The following POFUT1 variants were observed in gnomAD, a reference collection of about 807,000 sequenced individuals.
POFUT1 encodes the protein protein O-fucosyltransferase 1.
A neutral mutation model predicts 42.4 loss-of-function variants in POFUT1; 16 were observed. That is an observed-to-expected ratio of 0.38 (90% CI 0.26 to 0.57). POFUT1 has a LOEUF of 0.57. Ranked by LOEUF, POFUT1 falls within the 20% of genes least tolerant of loss-of-function variation. The pLI is 0.71. For synonymous variants in POFUT1, 206 were observed against 205.4 expected, an observed-to-expected ratio of 1.00 and a Z score of -0.03; for missense variants, 470 against 504.6, an observed-to-expected ratio of 0.93 and a Z score of 0.66.
intron 5 of POFUT1, 49 bp from the exon 6 acceptor site, chr20:32,230,770 G>A: frequency 6.3e-7 from 1 of 1,595,840 alleles, no homozygotes; most frequent in Non-Finnish European, 8.5e-7. Flanking sequence ...TTGCTTCTGG[G>A]GTTCCAGGGC....
At position 32,234,750 on chromosome 20, in the gene POFUT1, C is replaced by G; in HGVS notation, c.*89C>G. On this transcript the variant is annotated 3_prime_UTR_variant, in exon 7 of 7. Transcript: ENST00000375749. ...CCAGGCCTGGCAGCCAGAGGTGCTC[C>G]GGGATTGCAAACTCCTCTTCTCACC... 2 of 1,217,662 alleles carry G rather than the reference C, an allele frequency of 1.6e-6. No individual in the cohort carries two copies. The highest frequency in any genetic ancestry group is 2.3e-6 in the Non-Finnish European group (2 of 874,920). The allele number at this position is 1,217,662 out of a possible 1,614,324, so 75.4% of individuals were successfully genotyped here.
intron 4 of POFUT1, among the ~76,000 whole-genome samples, chr20:32,221,493 G>T (rs926132884): frequency 2.0e-5 from 3 of 151,914 alleles, no homozygotes; most frequent in African/African-American, 7.3e-5. Flanking sequence ...GCAGGTGATC[G>T]CTTGAGCCCA....
intron 2 of POFUT1, among the ~76,000 whole-genome samples, chr20:32,213,345 A>G (rs977264802): frequency 4.0e-5 from 6 of 150,860 alleles, no homozygotes; most frequent in African/African-American, 1.5e-4. Context: ...AATCCCAGCT[A>G]TTCAGGAGGC....
At chr20:32,211,458 G>C (rs2047328386) in intron 2 of POFUT1, among the ~76,000 whole-genome samples, 1 of 152,120 alleles carries the variant, frequency 6.6e-6, no homozygotes, top group Non-Finnish European at 1.5e-5. Context: ...TTTTAGTAGA[G>C]ACAGGGTTTC....
In POFUT1 at chr20:32,237,697, C is replaced by T. The variant is rs1350980426; in HGVS notation, c.*3036C>T. 4.1e-6 allele frequency: 2 copies of T among 492,700 alleles called. No individual in the cohort carries two copies. Among genetic ancestry groups the T allele is most frequent in the Non-Finnish European group, 8.4e-6 (2 of 237,438 alleles). The allele number at this position is 492,700 out of a possible 1,614,324, so 30.5% of individuals were successfully genotyped here. On this transcript the variant is annotated 3_prime_UTR_variant, in exon 7 of 7. Transcript: ENST00000375749. ...AGAGGGGCATGAGCTGATTCACATTCTGAAGGACCTCTCTAGCTGGCCAGT... is the reference window on the plus strand; with the variant it reads ...AGAGGGGCATGAGCTGATTCACATTTTGAAGGACCTCTCTAGCTGGCCAGT...
Position 32,217,011 on chromosome 20 carries a change from T to G in POFUT1, c.542+290T>G, listed in dbSNP as rs190773126. On this transcript the variant is annotated intron_variant, in intron 4 of 6. Coordinates refer to ENST00000375749, the MANE Select transcript of POFUT1 (RefSeq NM_015352.2). ...GAGTCTCAATTTCCTCCTCTAGGCG[T>G]GAGAATCACTCCTGTGTTACCTTAC... is the stretch of plus-strand genomic sequence containing the variant. The G allele has an allele frequency of 8.1e-6, 13 of 1,613,830 alleles. No homozygotes were observed. The Admixed American group carries it at 1.8e-4, about 23-fold the overall frequency.
chr20:32,225,511 CA>C (rs1464859141), intron 4 of POFUT1, among the ~76,000 whole-genome samples: 1 of 151,824 alleles, frequency 6.6e-6, no homozygotes, highest in East Asian at 1.9e-4. Context: ...TTTTTTGAGA[CA>C]AGGTCTCACC....
chr20:32,228,912 C>T (rs1239967946), intron 5 of POFUT1, among the ~76,000 whole-genome samples: 1 of 152,178 alleles, frequency 6.6e-6, no homozygotes, highest in Non-Finnish European at 1.5e-5. Flanking sequence ...AGGTTTTCAC[C>T]TCTGTGTGAA....
intron 4 of POFUT1, among the ~76,000 whole-genome samples, chr20:32,225,338 C>A (rs1248133123): frequency 4.6e-5 from 7 of 151,994 alleles, no homozygotes; most frequent in Non-Finnish European, 1.0e-4. Context: ...CAGGTGCCCA[C>A]CACGACGTGT....
intron 2 of POFUT1, among the ~76,000 whole-genome samples, chr20:32,215,051 C>G (rs1272774348): frequency 6.6e-6 from 1 of 152,120 alleles, no homozygotes; most frequent in African/African-American, 2.4e-5. Flanking sequence ...CCACCCCCAG[C>G]TAATTTTCTT....
At chr20:32,231,217 T>G (rs924289794) in intron 6 of POFUT1, 156 bp downstream of exon 6, 33 of 736,506 alleles carry the variant, frequency 4.5e-5, no homozygotes, top group Admixed American at 1.8e-4. Flanking sequence ...AAACCCCAGC[T>G]CAGAGGCCTC....
At chr20:32,233,868 T>C (rs960196640) in intron 6 of POFUT1, among the ~76,000 whole-genome samples, 17 of 152,030 alleles carry the variant, frequency 1.1e-4, no homozygotes, top group Non-Finnish European at 1.5e-5. Flanking sequence ...TTAGGAAAAA[T>C]AGAATTTGAG....
At chr20:32,230,264 G>A (rs1216548895) in intron 5 of POFUT1, among the ~76,000 whole-genome samples, 1 of 151,974 alleles carries the variant, frequency 6.6e-6, no homozygotes, top group East Asian at 2.0e-4. Flanking sequence ...GTGGGCACCT[G>A]TAGTCCCAGC....
chr20:32,223,255 C>G (rs2047399361), intron 4 of POFUT1: 3 of 985,442 alleles, frequency 3.0e-6, no homozygotes, highest in African/African-American at 3.5e-5. Flanking sequence ...GGAGGTGGTG[C>G]TGGTCAAGAT....
intron 4 of POFUT1, among the ~76,000 whole-genome samples, chr20:32,222,047 C>T (rs2047393426): frequency 1.3e-5 from 2 of 152,124 alleles, no homozygotes; most frequent in South Asian, 4.1e-4. Flanking sequence ...CCTGTAATCC[C>T]AGCACTTTGG....
intron 4 of POFUT1, among the ~76,000 whole-genome samples, chr20:32,218,816 T>C (rs1410019711): frequency 6.6e-6 from 1 of 152,114 alleles, no homozygotes; most frequent in Admixed American, 6.5e-5. Context: ...ACAATCCTAG[T>C]AGGAAGAGAA....
chr20:32,221,324 A>C (rs1235188568), intron 4 of POFUT1, among the ~76,000 whole-genome samples: 2 of 152,194 alleles, frequency 1.3e-5, no homozygotes, highest in African/African-American at 2.4e-5. Context: ...CTGTGCGATT[A>C]GGCAGCTGCT....
At chr20:32,216,984 A>G (rs746622451) in intron 4 of POFUT1, 22 of 1,612,196 alleles carry the variant, frequency 1.4e-5, no homozygotes, top group South Asian at 9.9e-5. Context: ...CTGCAGTCGC[A>G]TGAGTCTCAA....
chr20:32,236,244 A>T lies in POFUT1; in HGVS notation c.*1583A>T, dbSNP rs2047470086. On this transcript the variant is annotated 3_prime_UTR_variant, in exon 7 of 7. Coordinates refer to ENST00000375749, the MANE Select transcript of POFUT1 (RefSeq NM_015352.2). ...TGCCACCACTAGGTTGTAAGCCTGT[A>T]GCTGGCTGGCTGATTTCATTTTGGA... 1 of 152,262 alleles carries T rather than the reference A, an allele frequency of 6.6e-6. No homozygotes were observed. Among genetic ancestry groups the T allele is most frequent in the African/African-American group, 2.4e-5 (1 of 41,462 alleles). 9.4% of individuals were successfully genotyped at this position (152,262 alleles called of 1,614,324 possible). A position where few individuals can be genotyped will look rare whatever the true frequency, so the allele number is the denominator to read the frequency against.
Sources: gnomAD v4.1 joint callset for allele counts (sites outside exome capture counted in the v4.1 genomes callset) on GRCh38, gnomAD v4.1.1 for gene constraint, MANE v1.5 for transcripts, NCBI Gene and HGNC (gene_info 2026-07-23, HGNC 2026-07-21) for gene names.